ERBB4: variants seen among roughly 807,000 people sequenced by gnomAD.
ERBB4 encodes erb-b2 receptor tyrosine kinase 4, also known as receptor tyrosine-protein kinase erbB-4.
A neutral mutation model predicts 158.0 loss-of-function variants in ERBB4; 42 were observed. The ratio of observed to expected loss-of-function variants is 0.27; its 90% CI spans 0.21 to 0.34. ERBB4 has a LOEUF of 0.34. Ranked by LOEUF, ERBB4 falls within the 10% of genes least tolerant of loss-of-function variation. The pLI, the probability that ERBB4 is intolerant of heterozygous loss-of-function variation, is 1.00. For synonymous variants in ERBB4, 583 were observed against 558.7 expected (o/e 1.04, Z -0.61); for missense variants, 1,333 against 1,624.1 (o/e 0.82, Z 3.08).
chr2:212,134,351 TA>T (rs550762761), intron 1 of ERBB4, among the ~76,000 whole-genome samples: 1 of 152,110 alleles, frequency 6.6e-6, no homozygotes, highest in Non-Finnish European at 1.5e-5. Context: ...TCTTTTAATA[TA>T]AAAAATTTGT....
At chr2:211,803,925 T>C (rs1346171329) in intron 3 of ERBB4, among the ~76,000 whole-genome samples, 1 of 152,214 alleles carries the variant, frequency 6.6e-6, no homozygotes. Flanking sequence ...CAGAAGCCCC[T>C]ACTGTTACAT....
At chr2:212,071,406 T>G (rs1257341964) in intron 2 of ERBB4, among the ~76,000 whole-genome samples, 1 of 151,734 alleles carries the variant, frequency 6.6e-6, no homozygotes, top group East Asian at 1.9e-4. Flanking sequence ...AGAGGCAGAT[T>G]CTAAAGGAGG....
intron 19 of ERBB4, among the ~76,000 whole-genome samples, chr2:211,584,953 T>A (rs2068219744): frequency 1.3e-5 from 2 of 151,924 alleles, no homozygotes; most frequent in South Asian, 4.1e-4. Flanking sequence ...GAAAAAAAAA[T>A]TACCACTATA....
At chr2:211,804,130 G>A (rs2105897444) in intron 3 of ERBB4, among the ~76,000 whole-genome samples, 1 of 152,276 alleles carries the variant, frequency 6.6e-6, no homozygotes, top group Non-Finnish European at 1.5e-5. Flanking sequence ...GAATAGGAAA[G>A]GCTTACATGT....
intron 1 of ERBB4, among the ~76,000 whole-genome samples, chr2:212,456,410 A>G (rs1688290606): frequency 6.6e-6 from 1 of 152,062 alleles, no homozygotes; most frequent in South Asian, 2.1e-4. Context: ...TAAATAGAGT[A>G]CAAGATTAAG....
rs5838309 is a variant in ERBB4, at chr2:212,206,589, C to CTTTTTTTTTTTTTTTTTTTTTTTTTTTT, written c.83-81687_83-81686insAAAAAAAAAAAAAAAAAAAAAAAAAAAA. Among the ~76,000 whole-genome samples, 254 of 116,362 alleles carry CTTTTTTTTTTTTTTTTTTTTTTTTTTTT rather than the reference C, an allele frequency of 2.2e-3. 28 individuals are homozygous for CTTTTTTTTTTTTTTTTTTTTTTTTTTTT. Among genetic ancestry groups the CTTTTTTTTTTTTTTTTTTTTTTTTTTTT allele is most frequent in the Middle Eastern group, 3.9e-3 (1 of 258 alleles). The allele number at this position is 116,362 out of a possible 152,430, so 76.3% of individuals were successfully genotyped here. A position where few individuals can be genotyped will look rare whatever the true frequency, so the allele number is the denominator to read the frequency against. ...ATGAACTGTCTCCGTCTGTTCTGTT[C>CTTTTTTTTTTTTTTTTTTTTTTTTTTTT]TTTTTTTTTTTTTTTTGAGACGGAG... On this transcript the variant is annotated intron_variant, in intron 1 of 27. Coordinates refer to ENST00000342788, the MANE Select transcript of ERBB4 (RefSeq NM_005235.3).
intron 20 of ERBB4, among the ~76,000 whole-genome samples, chr2:211,451,728 G>A (rs1237651954): frequency 1.3e-5 from 2 of 152,184 alleles, no homozygotes; most frequent in African/African-American, 4.8e-5. Flanking sequence ...CCAATAAGAA[G>A]GGTCAGTAAA....
intron 2 of ERBB4, among the ~76,000 whole-genome samples, chr2:212,003,170 A>G (rs1559292642): frequency 1.4e-3 from 46 of 33,410 alleles, no homozygotes; most frequent in Non-Finnish European, 4.2e-3. Context: ...AGAAAGAAAG[A>G]AAGAAAGAAA....
intron 2 of ERBB4, among the ~76,000 whole-genome samples, chr2:212,014,352 T>C (rs796688631): frequency 5.9e-5 from 9 of 152,330 alleles, no homozygotes; most frequent in African/African-American, 2.2e-4. Flanking sequence ...GCTTAGAAAG[T>C]AGTTCAAAAC....
At chr2:211,428,236 AT>A (rs2063674065) in intron 22 of ERBB4, among the ~76,000 whole-genome samples, 171 bp downstream of exon 22, 1 of 145,248 alleles carries the variant, frequency 6.9e-6, no homozygotes, top group African/African-American at 2.5e-5. Flanking sequence ...ATAAAATAAA[AT>A]AAAATATTTT....
chr2:212,288,726 A>G (rs2106172967), intron 1 of ERBB4, among the ~76,000 whole-genome samples: 1 of 152,170 alleles, frequency 6.6e-6, no homozygotes, highest in East Asian at 1.9e-4. Context: ...TTTTTAGCTC[A>G]ACTAAAGACA....
At chr2:211,818,385 T>C (rs1006529349) in intron 3 of ERBB4, among the ~76,000 whole-genome samples, 2 of 152,064 alleles carry the variant, frequency 1.3e-5, no homozygotes, top group South Asian at 4.1e-4. Flanking sequence ...GAGTAAATTC[T>C]TTCTCAGGGT....
chr2:211,413,065 G>T (rs1267267028), intron 25 of ERBB4, among the ~76,000 whole-genome samples: 1 of 152,018 alleles, frequency 6.6e-6, no homozygotes, highest in Non-Finnish European at 1.5e-5. Context: ...GGAGGCCAAG[G>T]AGGGAGGATT....
chr2:211,720,537 T>C (rs2106115537), intron 7 of ERBB4, among the ~76,000 whole-genome samples: 1 of 152,350 alleles, frequency 6.6e-6, no homozygotes, highest in Non-Finnish European at 1.5e-5. Flanking sequence ...TCCAGCCTGT[T>C]GAATATTTAC....
intron 5 of ERBB4, among the ~76,000 whole-genome samples, chr2:211,749,117 G>A (rs1392851003): frequency 5.3e-5 from 8 of 152,094 alleles, no homozygotes. Context: ...CTTTGACAAA[G>A]ATCCAAAAAT....
intron 1 of ERBB4, among the ~76,000 whole-genome samples, chr2:212,476,490 T>C (rs1218059661): frequency 1.3e-5 from 2 of 152,182 alleles, no homozygotes; most frequent in African/African-American, 4.8e-5. Context: ...TAATGGTTTA[T>C]GTTGGTTATA....
At chr2:211,972,138 C>T (rs924604848) in intron 2 of ERBB4, among the ~76,000 whole-genome samples, 1 of 151,916 alleles carries the variant, frequency 6.6e-6, no homozygotes, top group African/African-American at 2.4e-5. Context: ...AGAACAAAAT[C>T]AAGGAAGAAA....
intron 25 of ERBB4, among the ~76,000 whole-genome samples, chr2:211,403,516 A>C (rs1390515650): frequency 6.6e-6 from 1 of 152,064 alleles, no homozygotes; most frequent in Admixed American, 6.6e-5. Context: ...TTGGTCCCAA[A>C]ACCTTTCACC....
rs182694467 is a variant in ERBB4 at position 212,329,652 on chromosome 2, G to C, written c.83-204749C>G. On this transcript the variant is annotated intron_variant, in intron 1 of 27. Coordinates refer to ENST00000342788, the MANE Select transcript of ERBB4 (RefSeq NM_005235.3). Reference sequence around the variant, plus strand: ...CATCAGGTGTAGGATATGTCTTAAAGTTTAAAAACCTCCTTACATGATAAA... The same window carrying C: ...CATCAGGTGTAGGATATGTCTTAAACTTTAAAAACCTCCTTACATGATAAA... 7.6e-4 allele frequency among the ~76,000 whole-genome samples: 116 copies of C among 152,100 alleles called. No individual in the cohort carries two copies. The East Asian group carries it at 0.014, about 19-fold the overall frequency.
Sources: gnomAD v4.1 joint callset for allele counts (sites outside exome capture counted in the v4.1 genomes callset) on GRCh38, gnomAD v4.1.1 for gene constraint, MANE v1.5 for transcripts, NCBI Gene and HGNC (gene_info 2026-07-23, HGNC 2026-07-21) for gene names.